LAMA5: variants seen among roughly 807,000 people sequenced by gnomAD.
LAMA5 encodes laminin subunit alpha 5.
A neutral mutation model predicts 433.4 loss-of-function variants in LAMA5; 260 were observed. The observed-to-expected ratio is 0.60, with a 90% confidence interval of 0.54 to 0.66. The LOEUF is 0.66. Among genes scored for constraint, LAMA5 ranks in the 30% least tolerant of loss-of-function variants. The pLI, the probability that LAMA5 is intolerant of heterozygous loss-of-function variation, is 0.00. For missense variants in LAMA5, 5,378 were observed against 5,258.5 expected, an observed-to-expected ratio of 1.02 and a Z score of -0.70; for synonymous variants, 2,620 against 2,226.6, an observed-to-expected ratio of 1.18 and a Z score of -4.97.
intron 3 of LAMA5, 97 bp downstream of exon 3, chr20:62,353,037 G>A (rs1012213150): frequency 3.5e-6 from 3 of 846,098 alleles, no homozygotes; most frequent in African/African-American, 3.4e-5. Flanking sequence ...TGAGGGCAGG[G>A]CTGGGTATTC....
In LAMA5 at chr20:62,361,052, G is replaced by C. The variant is rs552188985; in HGVS notation, c.450+1348C>G. Among the ~76,000 whole-genome samples the C allele has an allele frequency of 2.0e-5, 3 of 152,232 alleles. No individual in the cohort carries two copies. In the East Asian group the frequency reaches 5.8e-4, roughly 29 times the overall value. ...AGCCCAGCCCCCTAGTTTCTCAAAG[G>C]AGGAGAGGCGGGAAGAACTCGCCAG... On this transcript the variant is annotated intron_variant, in intron 2 of 79. Coordinates refer to ENST00000252999, the MANE Select transcript of LAMA5 (RefSeq NM_005560.6).
intron 2 of LAMA5, among the ~76,000 whole-genome samples, chr20:62,362,192 G>T (rs1479583057): frequency 6.6e-6 from 1 of 152,230 alleles, no homozygotes; most frequent in Admixed American, 6.5e-5. Context: ...CTGTGTCATG[G>T]GGACGCTGAA....
chr20:62,351,050 AT>A lies in LAMA5; in HGVS notation c.956+653del. On this transcript the variant is annotated intron_variant, in intron 6 of 79. Coordinates refer to ENST00000252999, the MANE Select transcript of LAMA5 (RefSeq NM_005560.6). ...GGTGCCAGCACCAGGGCTGCTGCCC[AT>A]CCTGTGAGGGGCTCCCGGGAGGTGG... The A allele has an allele frequency of 1.9e-5, 3 of 153,914 alleles. 1 individual carries two copies. The Middle Eastern group carries it at 0.01, about 520-fold the overall frequency. The allele number at this position is 153,914 out of a possible 1,614,324, so 9.5% of individuals were successfully genotyped here.
In LAMA5 at chr20:62,327,644, T is replaced by C. The variant is rs1468291310; in HGVS notation, c.4823A>G (p.Asp1608Gly). The change falls in exon 37 of 80, where the codon GAC (aspartate) becomes GGC (glycine). Residue 1608 changes from aspartate to glycine, a missense_variant. Physicochemically the swap from Asp to Gly is moderately conservative, Grantham distance 94. Transcript: ENST00000252999. ...CKENVQGPKC[D>G]QCSLGTFSLD... is the part of the protein sequence containing the mutation. ...TGAGAAGGTCCCAAGGCTGCACTGGTCACATTTGGGGCCCTGCACGTTCTC... is the reference window on the plus strand; with the variant it reads ...TGAGAAGGTCCCAAGGCTGCACTGGCCACATTTGGGGCCCTGCACGTTCTC... The C allele has an allele frequency of 6.2e-7, 1 of 1,613,098 alleles. No homozygotes were observed. The highest frequency in any genetic ancestry group is 8.5e-7 in the Non-Finnish European group (1 of 1,179,962).
intron 28 of LAMA5, among the ~76,000 whole-genome samples, chr20:62,331,589 C>A (rs1980472076): frequency 6.6e-6 from 1 of 152,194 alleles, no homozygotes; most frequent in East Asian, 1.9e-4. Flanking sequence ...CCGGGCCAGG[C>A]CCAGCTCTCC....
At chr20:62,311,139 A>C (rs767123021) in intron 73 of LAMA5, 23 bp downstream of exon 73, 1 of 1,564,436 alleles carries the variant, frequency 6.4e-7, no homozygotes, top group Non-Finnish European at 8.7e-7. Context: ...CTCTCAGCCC[A>C]CCCCAGCCGG....
chr20:62,319,225 T>C, intron 51 of LAMA5: 2 of 575,060 alleles, frequency 3.5e-6, no homozygotes, highest in Admixed American at 6.6e-5. Context: ...TCCAACACCC[T>C]GACACCAGTC....
At chr20:62,346,034 T>C in intron 10 of LAMA5, 47 bp downstream of exon 10, 2 of 1,606,540 alleles carry the variant, frequency 1.2e-6, no homozygotes, top group African/African-American at 1.3e-5. Flanking sequence ...GCTCCCGGAG[T>C]CCAGCAGGCA....
At chr20:62,332,080 C>T (rs2146196371) in intron 28 of LAMA5, among the ~76,000 whole-genome samples, 1 of 152,096 alleles carries the variant, frequency 6.6e-6, no homozygotes, top group East Asian at 1.9e-4. Flanking sequence ...AAGAAAGTTC[C>T]AGAACAGGCA....
chr20:62,346,642 C>T, intron 8 of LAMA5, 40 bp downstream of exon 8: 2 of 1,610,596 alleles, frequency 1.2e-6, no homozygotes, highest in Non-Finnish European at 1.7e-6. Context: ...CCTGCCCCAC[C>T]TCAGGGCCAG....
rs1601287292 is a variant in LAMA5 at position 62,314,455 on chromosome 20, G to C, written c.8368-15C>G. On this transcript the variant is annotated splice_polypyrimidine_tract_variant and intron_variant, in intron 61 of 79. Coordinates refer to ENST00000252999, the MANE Select transcript of LAMA5 (RefSeq NM_005560.6). ...TCCCCAGTGGCCTGCGGCAGTGACA[G>C]ACACACAGTCGGGATGGGGACCGGG... is the stretch of plus-strand genomic sequence containing the variant. The C allele has an allele frequency of 1.2e-6, 2 of 1,613,154 alleles. No homozygotes were observed. Among genetic ancestry groups the C allele is most frequent in the South Asian group, 1.1e-5 (1 of 91,082 alleles).
At chr20:62,317,533 C>T (rs747972004) in intron 54 of LAMA5, 34 bp from the exon 55 acceptor site, 5 of 1,529,224 alleles carry the variant, frequency 3.3e-6, no homozygotes, top group Non-Finnish European at 4.4e-6. Context: ...CCTCATCCTG[C>T]TCACAGCCAC....
Position 62,329,062 on chromosome 20 carries a change from G to A in LAMA5, c.4236-7C>T, listed in dbSNP as rs771983141. 18 of 1,612,558 alleles carry A rather than the reference G, an allele frequency of 1.1e-5. No homozygotes were observed. The highest frequency in any genetic ancestry group is 1.4e-5 in the Non-Finnish European group (17 of 1,179,852). On this transcript the variant is annotated splice_region_variant and splice_polypyrimidine_tract_variant and intron_variant, in intron 33 of 79. Transcript: ENST00000252999. ...CAGGGATGAGCTGCTGGGGCTACAT[G>A]GAGGGGCACGTGGTGAGGCCAGCTC...
rs199928538 is a variant in LAMA5, at chr20:62,337,754, G to A, written c.2027-27C>T. Reference sequence around the variant, plus strand: ...TGCAGACAAGGATAGCTGTGGGCACGCAGTGGAGACTGCACCTGCCTCCCC... The same window carrying A: ...TGCAGACAAGGATAGCTGTGGGCACACAGTGGAGACTGCACCTGCCTCCCC... On this transcript the variant is annotated intron_variant, in intron 15 of 79. Transcript: ENST00000252999. 6.8e-4 allele frequency: 1,095 copies of A among 1,607,524 alleles called. 1 individual carries two copies. Among genetic ancestry groups the A allele is most frequent in the Non-Finnish European group, 8.7e-4 (1,018 of 1,176,586 alleles).
rs1601426603 is a variant in LAMA5, at chr20:62,359,007, A to C, written c.450+3393T>G. Among the ~76,000 whole-genome samples the C allele has an allele frequency of 6.7e-6, 1 of 149,248 alleles. No homozygotes were observed. The stretch of plus-strand genomic sequence containing the variant: ...GCCTCATGCCTAACTGCCCCCTTAT[A>C]CCCTGCCAGCCCCAGTTCCCCCACA... On this transcript the variant is annotated intron_variant, in intron 2 of 79. Transcript: ENST00000252999. The surrounding 1 kb of genome is among the most constrained non-coding windows in gnomAD (Gnocchi z 4.3).
intron 11 of LAMA5, among the ~76,000 whole-genome samples, chr20:62,341,031 T>A: frequency 6.7e-6 from 1 of 149,860 alleles, no homozygotes; most frequent in South Asian, 2.1e-4. Context: ...AGAGTGAGAC[T>A]CTGTGTCAAA....
Position 62,311,057 on chromosome 20 carries a change from G to T in LAMA5, c.10126C>A (p.Arg3376=), listed in dbSNP as rs749237525. The stretch of plus-strand genomic sequence containing the variant: ...CGGGCAGTGAAGAGGAGGAGGCCTC[G>T]GGAGCTTCGCGGGAGGACGTGCATG... ...LSMHVLPRSS[R]GLLLFTARLR... is the part of the protein sequence containing the mutation. Residue 3376 remains arginine, a synonymous_variant, in exon 74 of 80, where the codon CGA becomes AGA. Transcript: ENST00000252999. 1 of 1,600,740 alleles carries T rather than the reference G, an allele frequency of 6.2e-7. No homozygotes were observed. Among genetic ancestry groups the T allele is most frequent in the Middle Eastern group, 1.7e-4 (1 of 6,010 alleles).
chr20:62,322,858 T>A, intron 45 of LAMA5, 100 bp from the exon 46 acceptor site: 1 of 770,278 alleles, frequency 1.3e-6, no homozygotes, highest in Middle Eastern at 3.9e-4. Context: ...TCCTGCTGTG[T>A]CTCCTCCAGG....
chr20:62,315,113 C>A lies in LAMA5; in HGVS notation c.7962G>T (p.Gln2654His). The A allele has an allele frequency of 6.2e-7, 1 of 1,608,342 alleles. No homozygotes were observed. Among genetic ancestry groups the A allele is most frequent in the Non-Finnish European group, 8.5e-7 (1 of 1,179,784 alleles). Reference protein sequence around the residue: ...TRVQSQLQAMQENVERWQGQY... With the variant: ...TRVQSQLQAMHENVERWQGQY... Reference sequence around the variant, plus strand: ...GGCCCTGCCACCGCTCCACATTCTCCTGCATGGCCTGCAGCTGGGACTGCA... The same window carrying A: ...GGCCCTGCCACCGCTCCACATTCTCATGCATGGCCTGCAGCTGGGACTGCA... Residue 2654 changes from glutamine (Q) to histidine (H), a missense_variant, in exon 59 of 80, where the codon CAG becomes CAT. Gln to His is a conservative substitution (Grantham distance 24). Coordinates refer to ENST00000252999, the MANE Select transcript of LAMA5 (RefSeq NM_005560.6).
Sources: allele counts gnomAD v4.1 joint callset (sites outside exome capture counted in the v4.1 genomes callset), GRCh38; gene constraint gnomAD v4.1.1; non-coding constraint Gnocchi (gnomAD v3.1); transcripts MANE v1.5; gene names NCBI Gene and HGNC (gene_info 2026-07-23, HGNC 2026-07-21).